Variants in CACNA1A observed in about 807,000 individuals in gnomAD.
The protein encoded by CACNA1A is calcium voltage-gated channel subunit alpha1 A.
Under a neutral mutation model 262.4 loss-of-function variants are expected in CACNA1A, and 57 were observed. That is an observed-to-expected ratio of 0.22 (90% CI 0.18 to 0.27). The LOEUF is 0.27. Ranked by LOEUF, CACNA1A falls within the 10% of genes least tolerant of loss-of-function variation. The pLI is 1.00. For missense variants in CACNA1A, 2,526 were observed against 3,562.8 expected, an observed-to-expected ratio of 0.71 and a Z score of 7.41; for synonymous variants, 1,431 against 1,419.3, an observed-to-expected ratio of 1.01 and a Z score of -0.18.
intron 22 of CACNA1A, among the ~76,000 whole-genome samples, chr19:13,280,156 C>T (rs923895736): frequency 2.6e-5 from 4 of 151,572 alleles, no homozygotes; most frequent in African/African-American, 4.9e-5. Flanking sequence ...CTAGAAACTT[C>T]GCTTTTGGTT....
rs1342521622 is a variant in CACNA1A, at chr19:13,206,715, ATAG to A, written c.*595_*597del. The stretch of plus-strand genomic sequence containing the variant: ...TTTAAATTGATTTCTGCAGGCAGTA[ATAG>A]TAGGGTTTGGTATAACCGGCAAGCA... On this transcript the variant is annotated 3_prime_UTR_variant, in exon 47 of 47. Transcript: ENST00000360228. 6.5e-6 allele frequency: 1 copy of A among 153,844 alleles called. No homozygotes were observed. The highest frequency in any genetic ancestry group is 1.5e-5 in the Non-Finnish European group (1 of 68,148). 9.5% of individuals were successfully genotyped at this position (153,844 alleles called of 1,614,324 possible). A position where few individuals can be genotyped will look rare whatever the true frequency, so the allele number is the denominator to read the frequency against.
At chr19:13,445,288 A>T (rs1228697309) in intron 3 of CACNA1A, among the ~76,000 whole-genome samples, 1 of 152,240 alleles carries the variant, frequency 6.6e-6, no homozygotes, top group Non-Finnish European at 1.5e-5. Context: ...CCTTCTAAAA[A>T]GGAACCTTCC....
chr19:13,259,928 C>T (rs942722391), intron 26 of CACNA1A: 1 of 511,084 alleles, frequency 2.0e-6, no homozygotes, highest in African/African-American at 1.9e-5. Flanking sequence ...AACCTTACTC[C>T]TGGTGGGAGA....
chr19:13,274,865 A>G (rs1488457440), intron 24 of CACNA1A: 1 of 152,190 alleles, frequency 6.6e-6, no homozygotes, highest in Non-Finnish European at 1.5e-5. Context: ...GCTACCCAGA[A>G]CTTGAAGGCC....
chr19:13,251,462 A>G (rs2056396755), intron 30 of CACNA1A, among the ~76,000 whole-genome samples: 2 of 152,162 alleles, frequency 1.3e-5, no homozygotes, highest in Admixed American at 6.6e-5. Flanking sequence ...CAGCCTGGGC[A>G]ACAGCGAGAC....
At chr19:13,477,139 A>C (rs1270309057) in intron 1 of CACNA1A, among the ~76,000 whole-genome samples, 3 of 151,818 alleles carry the variant, frequency 2.0e-5, no homozygotes, top group Non-Finnish European at 4.4e-5. Flanking sequence ...TGTCACATAT[A>C]CCCCTACCTC....
At chr19:13,468,043 C>A (rs553224669) in intron 1 of CACNA1A, among the ~76,000 whole-genome samples, 2 of 151,498 alleles carry the variant, frequency 1.3e-5, no homozygotes, top group Non-Finnish European at 2.9e-5. Flanking sequence ...TTCCTCTGGG[C>A]CAAAAAGTTT....
chr19:13,284,813 C>T (rs554932342), intron 21 of CACNA1A, among the ~76,000 whole-genome samples: 2 of 152,280 alleles, frequency 1.3e-5, no homozygotes, highest in South Asian at 2.1e-4. Flanking sequence ...TTATTTATGA[C>T]AAATTTGTTT....
intron 1 of CACNA1A, among the ~76,000 whole-genome samples, chr19:13,497,504 A>T (rs1981699090): frequency 2.5e-5 from 1 of 40,010 alleles, no homozygotes; most frequent in Non-Finnish European, 4.4e-5. Context: ...AAAAAAAAAA[A>T]AAAAAAAAAA....
At chr19:13,462,265 T>C (rs1048750024) in intron 1 of CACNA1A, among the ~76,000 whole-genome samples, 1 of 152,170 alleles carries the variant, frequency 6.6e-6, no homozygotes, top group Non-Finnish European at 1.5e-5. Flanking sequence ...GTCTCCACTA[T>C]GGGGACTGCT....
In CACNA1A at chr19:13,411,340, C is replaced by A. The variant is rs375059206; in HGVS notation, c.540-39561G>T. On this transcript the variant is annotated intron_variant, in intron 3 of 46. Coordinates refer to ENST00000360228, the MANE Select transcript of CACNA1A (RefSeq NM_001127222.2). ...AAATCTCAACTTGAATTGTAATAAT[C>A]CCCACGTGTCAAGGGCGGCGCCAGG... is the stretch of plus-strand genomic sequence containing the variant. 6.1e-4 allele frequency among the ~76,000 whole-genome samples: 93 copies of A among 152,234 alleles called. No individual in the cohort carries two copies. In the South Asian group the frequency reaches 0.019, roughly 31 times the overall value.
chr19:13,214,030 G>T lies in CACNA1A; in HGVS notation c.5940+203C>A, dbSNP rs138644614. ...ATGGAGTCTCACTGTGTTGCCCAGG[G>T]TGGTCTCATCCTGGTCTCAAACGAT... On this transcript the variant is annotated intron_variant, in intron 40 of 46. Coordinates refer to ENST00000360228, the MANE Select transcript of CACNA1A (RefSeq NM_001127222.2). This position sits in a 1 kb window ranked among gnomAD's most constrained non-coding sequence, Gnocchi z 4.1. 6 of 573,354 alleles carry T rather than the reference G, an allele frequency of 1.0e-5. No individual in the cohort carries two copies. The highest frequency in any genetic ancestry group is 3.0e-5 in the Admixed American group (1 of 33,288). 35.5% of individuals were successfully genotyped at this position (573,354 alleles called of 1,614,324 possible). A position where few individuals can be genotyped will look rare whatever the true frequency, so the allele number is the denominator to read the frequency against.
At chr19:13,371,664 T>G (rs745531985) in intron 4 of CACNA1A, 24 bp downstream of exon 4, 1 of 1,540,414 alleles carries the variant, frequency 6.5e-7, no homozygotes, top group South Asian at 1.2e-5. Flanking sequence ...GCAAACCCCT[T>G]GTCAGGGTCG....
At position 13,210,607 on chromosome 19, in the gene CACNA1A, C is replaced by T. The variant is rs376238265; in HGVS notation, c.6339+10G>A. 13 of 1,560,866 alleles carry T rather than the reference C, an allele frequency of 8.3e-6. No individual in the cohort carries two copies. Among genetic ancestry groups the T allele is most frequent in the Non-Finnish European group, 1.1e-5 (13 of 1,153,700 alleles). ...AGCCCTGCTGGGCGCTGGGCAGGCG[C>T]GGTACATACACTGAGGTTATTCCCA... On this transcript the variant is annotated intron_variant, in intron 44 of 46. Coordinates refer to ENST00000360228, the MANE Select transcript of CACNA1A (RefSeq NM_001127222.2).
intron 3 of CACNA1A, among the ~76,000 whole-genome samples, chr19:13,431,264 A>G (rs1361029612): frequency 6.6e-6 from 1 of 151,974 alleles, no homozygotes; most frequent in East Asian, 1.9e-4. Flanking sequence ...CAACTGGTTT[A>G]GTCCAGGCCA....
At chr19:13,460,505 G>C (rs1051740869) in intron 1 of CACNA1A, among the ~76,000 whole-genome samples, 2 of 152,106 alleles carry the variant, frequency 1.3e-5, no homozygotes, top group African/African-American at 4.8e-5. Flanking sequence ...TGCGACAAAA[G>C]CAGAAAAGAA....
chr19:13,478,608 C>T (rs1314377636), intron 1 of CACNA1A, among the ~76,000 whole-genome samples: 1 of 152,198 alleles, frequency 6.6e-6, no homozygotes, highest in Non-Finnish European at 1.5e-5. Context: ...TGAGCTACCA[C>T]ACCTGGCCTA....
At position 13,505,979 on chromosome 19, in the gene CACNA1A, G is replaced by A. The variant is rs757162732; in HGVS notation, c.246C>T (p.Ser82=). ...LTVNRSLFLF[S]EDNVVRKYAK... is the part of the protein sequence containing the mutation. ...CGTATTTTCTCACCACGTTGTCTTC[G>A]CTGAAGAGGAAGAGAGACCGGTTAA... The change falls in exon 1 of 47, where the codon AGC becomes AGT. Residue 82 remains serine, a synonymous_variant. Coordinates refer to ENST00000360228, the MANE Select transcript of CACNA1A (RefSeq NM_001127222.2). 2 of 1,613,864 alleles carry A rather than the reference G, an allele frequency of 1.2e-6. No individual in the cohort carries two copies. The highest frequency in any genetic ancestry group is 1.1e-5 in the South Asian group (1 of 91,022).
chr19:13,318,593 T>C (rs1600317007), intron 10 of CACNA1A, among the ~76,000 whole-genome samples: 2 of 151,654 alleles, frequency 1.3e-5, no homozygotes, highest in South Asian at 2.1e-4. Flanking sequence ...AGGCTGGAGG[T>C]GACTGAACCC....
Sources: gnomAD v4.1 joint callset for allele counts (sites outside exome capture counted in the v4.1 genomes callset) on GRCh38, gnomAD v4.1.1 for gene constraint, Gnocchi (gnomAD v3.1) non-coding constraint, MANE v1.5 for transcripts, NCBI Gene and HGNC (gene_info 2026-07-23, HGNC 2026-07-21) for gene names.